The following MIA2 variants were observed in gnomAD, a reference collection of about 807,000 sequenced individuals.
MIA2 encodes the protein melanoma inhibitory activity protein 2.
In MIA2, 127 loss-of-function variants were observed where a neutral mutation model predicts 167.8. The observed-to-expected ratio is 0.76, with a 90% CI of 0.66 to 0.88. MIA2 has a LOEUF of 0.88. MIA2 is among the 40% of genes least tolerant of loss of function. MIA2 has a pLI of 0.00. For synonymous variants in MIA2, 552 were observed against 541.9 expected (o/e 1.02, Z -0.26); for missense variants, 1,690 against 1,624.7 (o/e 1.04, Z -0.69).
Position 39,361,436 on chromosome 14 carries a change from G to C in MIA2, c.2248+12459G>C, listed in dbSNP as rs531796889. 1.5e-3 allele frequency among the ~76,000 whole-genome samples: 127 copies of C among 83,906 alleles called. 3 individuals carry two copies. The South Asian group carries it at 0.016, about 11-fold the overall frequency. 55.0% of individuals were successfully genotyped at this position (83,906 alleles called of 152,430 possible). A position where few individuals can be genotyped will look rare whatever the true frequency, so the allele number is the denominator to read the frequency against. On this transcript the variant is annotated intron_variant, in intron 23 of 23. Coordinates refer to the MIA2 transcript ENST00000341502. ...CTCTGACTAGGACTTTTAGGTGTGTGGTTTTTTTTTTTTTTTCCTGAGACA... is the reference window on the plus strand; with the variant it reads ...CTCTGACTAGGACTTTTAGGTGTGTCGTTTTTTTTTTTTTTTCCTGAGACA...
chr14:39,297,155 G>A (rs970849095), intron 13 of MIA2, among the ~76,000 whole-genome samples: 1 of 149,394 alleles, frequency 6.7e-6, no homozygotes. Flanking sequence ...AGTTCATGGC[G>A]CTATCTCAGC....
Position 39,277,748 on chromosome 14 carries a change from G to A in MIA2, c.2019+683G>A, listed in dbSNP as rs1451281069. Among the ~76,000 whole-genome samples the A allele has an allele frequency of 5.4e-3, 10 of 1,848 alleles. 1 individual carries two copies. Among genetic ancestry groups the A allele is most frequent in the African/African-American group, 0.018 (9 of 508 alleles). 1.2% of individuals were successfully genotyped at this position (1,848 alleles called of 152,430 possible). ...TATATATATATATATATATATGTGT[G>A]TATATATATATATATATATATATAT... On this transcript the variant is annotated intron_variant, in intron 7 of 28. Coordinates refer to ENST00000640607, the MANE Select transcript of MIA2 (RefSeq NM_001329214.4).
At chr14:39,346,116 T>A (rs2073183607) in intron 26 of MIA2, 90 bp downstream of exon 26, 8 of 1,088,608 alleles carry the variant, frequency 7.3e-6, no homozygotes, top group Non-Finnish European at 1.1e-5. Context: ...ATAATTGCTA[T>A]CTCTAGTAGT....
chr14:39,314,610 GT>G (rs55732496), intron 19 of MIA2, 128 bp from the exon 20 acceptor site: 8,803 of 189,378 alleles, frequency 0.046, 415 homozygotes, highest in African/African-American at 0.18. Context: ...GAGTTCTGGA[GT>G]TTTTTTTTTT....
chr14:39,312,724 T>C (rs2064544004), intron 18 of MIA2, among the ~76,000 whole-genome samples: 2 of 152,142 alleles, frequency 1.3e-5, no homozygotes, highest in African/African-American at 2.4e-5. Context: ...ACCCTTCTTG[T>C]AGAGCTGTTG....
intron 25 of MIA2, among the ~76,000 whole-genome samples, chr14:39,332,030 A>G (rs1267563361): frequency 6.6e-6 from 1 of 152,212 alleles, no homozygotes; most frequent in Non-Finnish European, 1.5e-5. Flanking sequence ...TATCCTGAAG[A>G]GAGTTTTCCA....
At chr14:39,264,257 C>T (rs150196928) in intron 6 of MIA2, among the ~76,000 whole-genome samples, 6 of 152,310 alleles carry the variant, frequency 3.9e-5, no homozygotes, top group East Asian at 1.9e-4. Context: ...TCTGCATCCA[C>T]GTTGCTGCAA....
chr14:39,364,662 T>A (rs1595945782), intron 23 of MIA2, among the ~76,000 whole-genome samples: 1 of 152,170 alleles, frequency 6.6e-6, no homozygotes, highest in Non-Finnish European at 1.5e-5. Flanking sequence ...TTATTTTCCC[T>A]TTTGTTACGA....
chr14:39,241,756 G>C (rs186693701), intron 3 of MIA2, among the ~76,000 whole-genome samples: 1 of 152,166 alleles, frequency 6.6e-6, no homozygotes, highest in Non-Finnish European at 1.5e-5. Flanking sequence ...TTTGGTTAAA[G>C]CCCTTTAGTG....
intron 13 of MIA2, 101 bp downstream of exon 13, chr14:39,295,130 C>A: frequency 1.3e-6 from 1 of 791,512 alleles, no homozygotes; most frequent in East Asian, 2.5e-5. Context: ...ATAGGCTTTT[C>A]CTTGAGAGCA....
intron 9 of MIA2, among the ~76,000 whole-genome samples, chr14:39,281,747 A>G (rs1051282014): frequency 6.6e-6 from 1 of 150,744 alleles, no homozygotes; most frequent in African/African-American, 2.4e-5. Context: ...TCAGCCTCCC[A>G]AGTAGCTGGG....
At chr14:39,377,733 A>G (rs139880656) in intron 23 of MIA2, among the ~76,000 whole-genome samples, 3 of 151,968 alleles carry the variant, frequency 2.0e-5, no homozygotes, top group African/African-American at 4.8e-5. Flanking sequence ...TACAGCAAGA[A>G]TAATCATTTG....
chr14:39,379,698 A>G (rs543992272), intron 23 of MIA2, among the ~76,000 whole-genome samples: 35 of 152,224 alleles, frequency 2.3e-4, no homozygotes, highest in Non-Finnish European at 4.1e-4. Context: ...CTAAAAATAC[A>G]AAAATTAGCC....
At position 39,299,999 on chromosome 14, in the gene MIA2, A is replaced by T; in HGVS notation, c.2619+13A>T. 2 of 1,583,838 alleles carry T rather than the reference A, an allele frequency of 1.3e-6. No individual in the cohort carries two copies. The highest frequency in any genetic ancestry group is 1.7e-6 in the Non-Finnish European group (2 of 1,169,922). On this transcript the variant is annotated intron_variant, in intron 14 of 28. Transcript: ENST00000640607. ...AAGTCACATCAAGGTAAATGGCTCTACTGGTTTTAGTGATCAAGTTGGCTA... is the reference window on the plus strand; with the variant it reads ...AAGTCACATCAAGGTAAATGGCTCTTCTGGTTTTAGTGATCAAGTTGGCTA...
rs536257137 is a variant in MIA2, at chr14:39,258,829, A to C, written c.1887+5658A>C. Among the ~76,000 whole-genome samples the C allele has an allele frequency of 4.6e-5, 7 of 152,336 alleles. No individual in the cohort carries two copies. In the South Asian group the frequency reaches 8.3e-4, roughly 18 times the overall value. On this transcript the variant is annotated intron_variant, in intron 6 of 28. Coordinates refer to ENST00000640607, the MANE Select transcript of MIA2 (RefSeq NM_001329214.4). ...TTTGTTTGTTAGTTTTCCTTCTAAC[A>C]GTCAGGCCCCTCTTCTGCAGGTCTG...
intron 6 of MIA2, chr14:39,276,691 C>G (rs968783400): frequency 9.9e-6 from 4 of 403,676 alleles, no homozygotes; most frequent in Admixed American, 4.1e-5. Flanking sequence ...TATTCTCATC[C>G]TTGGAAACTT....
At chr14:39,263,674 G>A (rs1044605207) in intron 6 of MIA2, among the ~76,000 whole-genome samples, 3 of 133,672 alleles carry the variant, frequency 2.2e-5, no homozygotes, top group East Asian at 2.5e-4. Context: ...CTCAGTCACC[G>A]AGGCTGGAGT....
intron 13 of MIA2, among the ~76,000 whole-genome samples, chr14:39,295,904 G>C (rs2061363113): frequency 6.6e-6 from 1 of 152,054 alleles, no homozygotes; most frequent in African/African-American, 2.4e-5. Context: ...ATTTTCCTTA[G>C]GGTTAATAAT....
chr14:39,293,990 G>A lies in MIA2; in HGVS notation c.2320-10G>A. 4 of 1,603,874 alleles carry A rather than the reference G, an allele frequency of 2.5e-6. No individual in the cohort carries two copies. In the South Asian group the frequency reaches 4.5e-5, roughly 18 times the overall value. Reference sequence around the variant, plus strand: ...TAGTAAATATTAATTGCCTGATACTGTGTTTCTAGATGGCGGATATTTCAA... The same window carrying A: ...TAGTAAATATTAATTGCCTGATACTATGTTTCTAGATGGCGGATATTTCAA... On this transcript the variant is annotated splice_polypyrimidine_tract_variant and intron_variant, in intron 11 of 28. Transcript: ENST00000640607.
Sources: allele counts gnomAD v4.1 joint callset (sites outside exome capture counted in the v4.1 genomes callset), GRCh38; gene constraint gnomAD v4.1.1; transcripts MANE v1.5; gene names NCBI Gene and HGNC (gene_info 2026-07-23, HGNC 2026-07-21).